The following CYP3A4 variants were observed in gnomAD, a reference collection of about 807,000 sequenced individuals.
CYP3A4 encodes the protein cytochrome P450 3A4.
Under a neutral mutation model 54.9 loss-of-function variants are expected in CYP3A4, and 41 were observed. The observed-to-expected ratio is 0.75, with a 90% CI of 0.58 to 0.97. The LOEUF is 0.97. Ranked by LOEUF, CYP3A4 falls within the 50% of genes least tolerant of loss-of-function variation. The pLI is 0.00. For missense variants in CYP3A4, 510 were observed against 597.3 expected, an observed-to-expected ratio of 0.85 and a Z score of 1.52; for synonymous variants, 179 against 205.2, an observed-to-expected ratio of 0.87 and a Z score of 1.09.
intron 1 of CYP3A4, among the ~76,000 whole-genome samples, chr7:99,783,154 C>A (rs1346565518): frequency 6.6e-6 from 1 of 152,128 alleles, no homozygotes; most frequent in East Asian, 1.9e-4. Context: ...TTTCTATTTT[C>A]CTGTCATTAT....
rs753799040 is a variant in CYP3A4, at chr7:99,783,997, G to A, written c.71+14C>T. 6 of 1,613,134 alleles carry A rather than the reference G, an allele frequency of 3.7e-6. No individual in the cohort carries two copies. Among genetic ancestry groups the A allele is most frequent in the South Asian group, 1.1e-5 (1 of 91,074 alleles). On this transcript the variant is annotated intron_variant, in intron 1 of 12. Transcript: ENST00000651514. ...CCAAGGAAACAGAGAAGAGGAGCCT[G>A]GACAGTTACTCACAGATAGAGGAGC...
intron 1 of CYP3A4, among the ~76,000 whole-genome samples, chr7:99,782,511 A>G (rs866938508): frequency 3.9e-5 from 6 of 152,138 alleles, no homozygotes; most frequent in Middle Eastern, 3.2e-3. Context: ...CTGAGTCTGT[A>G]GTGACCACCC....
chr7:99,780,277 C>A (rs1815886487), intron 1 of CYP3A4, among the ~76,000 whole-genome samples, 192 bp from the exon 2 acceptor site: 1 of 152,138 alleles, frequency 6.6e-6, no homozygotes, highest in Non-Finnish European at 1.5e-5. Flanking sequence ...CCATGAGACA[C>A]CAAAAAGTTA....
At chr7:99,764,726 G>A (rs756105963) in intron 9 of CYP3A4, among the ~76,000 whole-genome samples, 3 of 152,210 alleles carry the variant, frequency 2.0e-5, no homozygotes, top group Non-Finnish European at 2.9e-5. Context: ...GAGGCATCAG[G>A]TGATAGATCT....
In CYP3A4 at chr7:99,762,270, G is replaced by C. The variant is rs987337642; in HGVS notation, c.1027-3C>G. The C allele has an allele frequency of 3.7e-6, 6 of 1,613,710 alleles. No individual in the cohort carries two copies. In the Admixed American group the frequency reaches 1.0e-4, roughly 27 times the overall value. ...ACAGTATCATAGGTGGGTGGTGCCTGGAAAGAACGAAACAGATTTGGATAA... is the reference window on the plus strand; with the variant it reads ...ACAGTATCATAGGTGGGTGGTGCCTCGAAAGAACGAAACAGATTTGGATAA... On this transcript the variant is annotated splice_region_variant and splice_polypyrimidine_tract_variant and intron_variant, in intron 10 of 12. Coordinates refer to ENST00000651514, the MANE Select transcript of CYP3A4 (RefSeq NM_017460.6).
Position 99,763,855 on chromosome 7 carries a change from C to G in CYP3A4, c.1026G>C (p.Lys342Asn). The change falls in exon 10 of 13, where the codon AAG (lysine) becomes AAC (asparagine). Residue 342 changes from lysine (K) to asparagine (N), a missense_variant and splice_region_variant. Lys to Asn is a moderately conservative substitution (Grantham distance 94, BLOSUM62 0). This residue lies in a region of CYP3A4 where 238 missense variants were observed against 322.5 expected (regional missense o/e 0.74). Coordinates refer to ENST00000651514, the MANE Select transcript of CYP3A4 (RefSeq NM_017460.6). Reference protein sequence around the residue: ...QEEIDAVLPNKAPPTYDTVLQ... With the variant: ...QEEIDAVLPNNAPPTYDTVLQ... The stretch of plus-strand genomic sequence containing the variant: ...CCTTCTCCATGTACCATCCACTCAC[C>G]TTATTGGGTAAAACTGCATCAATTT... The G allele has an allele frequency of 6.2e-7, 1 of 1,613,930 alleles. No homozygotes were observed. Among genetic ancestry groups the G allele is most frequent in the Non-Finnish European group, 8.5e-7 (1 of 1,179,950 alleles).
chr7:99,772,803 T>G, intron 3 of CYP3A4, 114 bp from the exon 4 acceptor site: 3 of 1,040,164 alleles, frequency 2.9e-6, no homozygotes, highest in Non-Finnish European at 4.3e-6. Flanking sequence ...AGTTGTACAA[T>G]ACACAGTAAT....
rs1815996033 is a variant in CYP3A4 at position 99,784,006 on chromosome 7, C to G, written c.71+5G>C. The G allele has an allele frequency of 6.2e-7, 1 of 1,613,794 alleles. No homozygotes were observed. Among genetic ancestry groups the G allele is most frequent in the Admixed American group, 1.7e-5 (1 of 60,002 alleles). ...CAGAGAAGAGGAGCCTGGACAGTTA[C>G]TCACAGATAGAGGAGCACCAGGCTG... On this transcript the variant is annotated splice_donor_5th_base_variant and intron_variant, in intron 1 of 12. Transcript: ENST00000651514.
chr7:99,769,641 T>C (rs1175859641), intron 6 of CYP3A4, 127 bp downstream of exon 6: 2 of 933,676 alleles, frequency 2.1e-6, no homozygotes, highest in Non-Finnish European at 3.3e-6. Context: ...CCCATTGAAG[T>C]TGCATTACCA....
rs780943065 is a variant in CYP3A4 at position 99,762,235 on chromosome 7, C to T, written c.1059G>A (p.Met353Ile). The T allele has an allele frequency of 6.2e-7, 1 of 1,614,020 alleles. No homozygotes were observed. The highest frequency in any genetic ancestry group is 1.7e-5 in the Admixed American group (1 of 60,014). ...APPTYDTVLQ[M>I]EYLDMVVNET... is the part of the protein sequence containing the mutation. ...CATTCACCACCATGTCAAGATACTC[C>T]ATCTGTAGCACAGTATCATAGGTGG... Residue 353 changes from methionine (M) to isoleucine (I), a missense_variant, in exon 11 of 13, where the codon ATG becomes ATA. This residue lies in a region of CYP3A4 where 238 missense variants were observed against 322.5 expected (regional missense o/e 0.74). Coordinates refer to ENST00000651514, the MANE Select transcript of CYP3A4 (RefSeq NM_017460.6).
intron 9 of CYP3A4, 76 bp downstream of exon 9, chr7:99,766,301 T>C (rs1307726113): frequency 6.5e-7 from 1 of 1,527,518 alleles, no homozygotes; most frequent in East Asian, 2.3e-5. Flanking sequence ...CATCCTGGAA[T>C]ACTTCCTGCA....
At chr7:99,771,076 A>G (rs28988579) in intron 4 of CYP3A4, among the ~76,000 whole-genome samples, 5 of 152,300 alleles carry the variant, frequency 3.3e-5, no homozygotes, top group Admixed American at 3.3e-4. Flanking sequence ...ACAATTCAAA[A>G]ATTCACCACA....
At chr7:99,765,968 T>C (rs754532024) in intron 9 of CYP3A4, among the ~76,000 whole-genome samples, 2 of 152,184 alleles carry the variant, frequency 1.3e-5, no homozygotes, top group Non-Finnish European at 2.9e-5. Context: ...AAAGTTATTG[T>C]GGTTTTTGCC....
intron 1 of CYP3A4, among the ~76,000 whole-genome samples, chr7:99,780,376 A>G (rs1404558274): frequency 6.6e-6 from 1 of 152,200 alleles, no homozygotes; most frequent in East Asian, 1.9e-4. Flanking sequence ...AATGATCCTG[A>G]GAGGTTCAGG....
intron 3 of CYP3A4, 150 bp from the exon 4 acceptor site, chr7:99,772,839 A>T (rs757487014): frequency 4.2e-5 from 33 of 792,130 alleles, no homozygotes; most frequent in Non-Finnish European, 6.2e-5. Context: ...ATTAGGTATG[A>T]CACACAGCAA....
At chr7:99,779,923 T>C (rs552863996) in intron 2 of CYP3A4, 69 bp downstream of exon 2, 1 of 1,461,708 alleles carries the variant, frequency 6.8e-7, no homozygotes, top group South Asian at 1.2e-5. Flanking sequence ...GGAGAAGCAT[T>C]TTTACTGATG....
chr7:99,764,074 A>G, intron 9 of CYP3A4, 59 bp from the exon 10 acceptor site: 1 of 1,609,568 alleles, frequency 6.2e-7, no homozygotes, highest in Non-Finnish European at 8.5e-7. Flanking sequence ...ATCACAGTTT[A>G]GATGAAGAGA....
intron 3 of CYP3A4, among the ~76,000 whole-genome samples, chr7:99,777,262 AAAG>A (rs1310769327): frequency 6.6e-6 from 1 of 152,102 alleles, no homozygotes; most frequent in Non-Finnish European, 1.5e-5. Context: ...GGAAAAAAAA[AAAG>A]AAGAGGGGAA....
rs1274840869 is a variant in CYP3A4, at chr7:99,759,426, A to G, written c.1417-1198T>C. On this transcript the variant is annotated intron_variant, in intron 12 of 12. Coordinates refer to ENST00000651514, the MANE Select transcript of CYP3A4 (RefSeq NM_017460.6). ...GACAGACATGCATGCCCACATGTGCACACACACACACACACATGCATATGC... is the reference window on the plus strand; with the variant it reads ...GACAGACATGCATGCCCACATGTGCGCACACACACACACACATGCATATGC... Among the ~76,000 whole-genome samples, 5 of 82,412 alleles carry G rather than the reference A, an allele frequency of 6.1e-5. No homozygotes were observed. The African/African-American group carries it at 8.5e-4, about 14-fold the overall frequency. The allele number at this position is 82,412 out of a possible 152,430, so 54.1% of individuals were successfully genotyped here.
Sources: allele counts gnomAD v4.1 joint callset (sites outside exome capture counted in the v4.1 genomes callset), GRCh38; gene constraint gnomAD v4.1.1; regional missense constraint gnomAD v4.1.1; transcripts MANE v1.5; gene names NCBI Gene and HGNC (gene_info 2026-07-23, HGNC 2026-07-21).